The following CA6 variants were observed in gnomAD, a reference collection of about 807,000 sequenced individuals.
CA6 encodes the protein carbonate dehydratase VI.
In CA6, 28 loss-of-function variants were observed where a neutral mutation model predicts 35.9. That is an observed-to-expected ratio of 0.78 (90% CI 0.58 to 1.07). The LOEUF (loss-of-function observed/expected upper bound fraction) is 1.07. Among genes scored for constraint, CA6 ranks in the 50% least tolerant of loss-of-function variants. The probability of loss-of-function intolerance (pLI) is 0.00; values close to 1 mark genes in which losing one functional copy is unlikely to be tolerated. For missense variants in CA6, 377 were observed against 382.0 expected (o/e 0.99, Z 0.11); for synonymous variants, 148 against 152.6 (o/e 0.97, Z 0.22).
At chr1:8,950,289 A>T (rs1258048339) in intron 2 of CA6, among the ~76,000 whole-genome samples, 1 of 151,906 alleles carries the variant, frequency 6.6e-6, no homozygotes, top group Non-Finnish European at 1.5e-5. Context: ...CGGCCTGGAA[A>T]CTGTGAAATC....
chr1:8,974,044 C>T (rs1640201264), intron 7 of CA6, among the ~76,000 whole-genome samples: 2 of 152,018 alleles, frequency 1.3e-5, no homozygotes, highest in Non-Finnish European at 2.9e-5. Flanking sequence ...AGGCTGGTCT[C>T]GAACTCCTGA....
chr1:8,957,481 C>T lies in CA6; in HGVS notation c.408+196C>T, dbSNP rs141003048. Among the ~76,000 whole-genome samples the T allele has an allele frequency of 4.3e-3, 655 of 152,254 alleles. 5 individuals carry two copies. The highest frequency in any genetic ancestry group is 0.015 in the African/African-American group (611 of 41,564). On this transcript the variant is annotated intron_variant, in intron 3 of 7. Transcript: ENST00000377443. ...TTAGTCTCCCGAGTAAATGGGATTA[C>T]AGGCACCCGCCACCATGCCCTACTA...
At chr1:8,957,328 A>G (rs2124263342) in intron 3 of CA6, 43 bp downstream of exon 3, 1 of 1,544,028 alleles carries the variant, frequency 6.5e-7, no homozygotes, top group Non-Finnish European at 8.8e-7. Flanking sequence ...TTTGAACCCC[A>G]TAGTCACTTT....
In CA6 at chr1:8,964,378, G is replaced by C. The variant is rs116355983; in HGVS notation, c.571+1722G>C. Among the ~76,000 whole-genome samples the C allele has an allele frequency of 8.6e-3, 1,309 of 152,248 alleles. 20 individuals carry two copies. The highest frequency in any genetic ancestry group is 0.03 in the African/African-American group (1,239 of 41,534). On this transcript the variant is annotated intron_variant, in intron 5 of 7. Coordinates refer to ENST00000377443, the MANE Select transcript of CA6 (RefSeq NM_001215.4). The stretch of plus-strand genomic sequence containing the variant: ...TTCCCCTGCCTCAGCCCCCTGAGTA[G>C]TTGGAATTACAGGCACACACCACCA...
At chr1:8,966,870 C>T (rs1443855080) in intron 5 of CA6, among the ~76,000 whole-genome samples, 1 of 152,106 alleles carries the variant, frequency 6.6e-6, no homozygotes, top group African/African-American at 2.4e-5. Context: ...CACCCTACGC[C>T]CCACCTGTGG....
At chr1:8,964,007 G>A (rs565849117) in intron 5 of CA6, among the ~76,000 whole-genome samples, 11 of 152,238 alleles carry the variant, frequency 7.2e-5, no homozygotes, top group Non-Finnish European at 1.0e-4. Flanking sequence ...TGGAGCTGAC[G>A]CTCCCACTCC....
chr1:8,949,725 G>A (rs1396417287), intron 2 of CA6, among the ~76,000 whole-genome samples: 3 of 152,260 alleles, frequency 2.0e-5, no homozygotes, highest in Non-Finnish European at 4.4e-5. Flanking sequence ...GCAGGTGACA[G>A]GCAGGACAGG....
At chr1:8,955,243 G>GT (rs897764328) in intron 2 of CA6, among the ~76,000 whole-genome samples, 17 of 152,152 alleles carry the variant, frequency 1.1e-4, no homozygotes, top group Non-Finnish European at 2.5e-4. Flanking sequence ...GGACATGGTG[G>GT]TGTGTGCCTG....
Position 8,967,755 on chromosome 1 carries a change from C to T in CA6, c.668C>T (p.Pro223Leu). 1 of 1,614,088 alleles carries T rather than the reference C, an allele frequency of 6.2e-7. No homozygotes were observed. Reference protein sequence around the residue: ...YTYHGSLTTPPCTENVHWFVL... With the variant: ...YTYHGSLTTPLCTENVHWFVL... ...TACCATGGCTCACTCACCACGCCTC[C>T]CTGCACTGAGAACGTCCACTGGTTT... Residue 223 changes from proline (P) to leucine (L), a missense_variant, in exon 6 of 8, where the codon CCC (proline) becomes CTC (leucine). By Grantham distance (98) the Pro-to-Leu change is moderately conservative. Transcript: ENST00000377443.
At chr1:8,967,134 T>A (rs1023377213) in intron 5 of CA6, among the ~76,000 whole-genome samples, 1 of 152,130 alleles carries the variant, frequency 6.6e-6, no homozygotes, top group Non-Finnish European at 1.5e-5. Flanking sequence ...GATTCTGCAT[T>A]TACAACTGTT....
chr1:8,965,729 A>G (rs935288590), intron 5 of CA6, among the ~76,000 whole-genome samples: 3 of 152,062 alleles, frequency 2.0e-5, no homozygotes, highest in Non-Finnish European at 4.4e-5. Flanking sequence ...CCCTACTAAA[A>G]ATACAAAATT....
At chr1:8,971,290 A>G (rs1640104171) in intron 7 of CA6, among the ~76,000 whole-genome samples, 1 of 151,890 alleles carries the variant, frequency 6.6e-6, no homozygotes. Flanking sequence ...AGCTCTCACA[A>G]GAGTGTAGGT....
At chr1:8,951,412 G>C (rs1441973221) in intron 2 of CA6, 2 of 759,816 alleles carry the variant, frequency 2.6e-6, no homozygotes, top group South Asian at 1.3e-5. Context: ...GTTACTCTCT[G>C]ATGCTTCCAG....
chr1:8,951,791 C>T, intron 2 of CA6: 1 of 605,520 alleles, frequency 1.7e-6, no homozygotes, highest in Non-Finnish European at 2.9e-6. Context: ...AGAGTGGACC[C>T]AAAGTTCACA....
chr1:8,955,264 T>C (rs1639643919), intron 2 of CA6, among the ~76,000 whole-genome samples: 1 of 152,156 alleles, frequency 6.6e-6, no homozygotes, highest in Non-Finnish European at 1.5e-5. Context: ...TAGTCCCTGC[T>C]ACTTGAGGGG....
At chr1:8,952,690 C>G (rs1639571048) in intron 2 of CA6, 1 of 151,942 alleles carries the variant, frequency 6.6e-6, no homozygotes, top group African/African-American at 2.4e-5. Flanking sequence ...GAAGTCGTGC[C>G]CTGTAGCCCA....
At chr1:8,948,702 G>T (rs761195822) in intron 1 of CA6, among the ~76,000 whole-genome samples, 3 of 152,108 alleles carry the variant, frequency 2.0e-5, no homozygotes, top group Non-Finnish European at 4.4e-5. Context: ...GGGCACGGTG[G>T]CTCACGCCTG....
chr1:8,961,677 C>T (rs1639846104), intron 4 of CA6, among the ~76,000 whole-genome samples: 1 of 152,090 alleles, frequency 6.6e-6, no homozygotes, highest in South Asian at 2.1e-4. Flanking sequence ...GTCATAAAGC[C>T]AAGAAAGCCA....
At chr1:8,972,111 A>C (rs537043602) in intron 7 of CA6, among the ~76,000 whole-genome samples, 1 of 152,158 alleles carries the variant, frequency 6.6e-6, no homozygotes, top group East Asian at 1.9e-4. Context: ...TCAGTGGCAC[A>C]ATCACGGCTC....
Sources: allele counts gnomAD v4.1 joint callset (sites outside exome capture counted in the v4.1 genomes callset), GRCh38; gene constraint gnomAD v4.1.1; transcripts MANE v1.5; gene names NCBI Gene and HGNC (gene_info 2026-07-23, HGNC 2026-07-21).